FAAP100: variants seen among roughly 807,000 people sequenced by gnomAD.
FAAP100 encodes the protein Fanconi anemia core complex-associated protein 100.
Under a neutral mutation model 65.8 loss-of-function variants are expected in FAAP100, and 46 were observed. That is an observed-to-expected ratio of 0.70 (90% CI 0.55 to 0.89). The LOEUF (loss-of-function observed/expected upper bound fraction) is 0.89. Ranked by LOEUF, FAAP100 falls within the 40% of genes least tolerant of loss-of-function variation. The pLI, the probability that FAAP100 is intolerant of heterozygous loss-of-function variation, is 0.00. For missense variants in FAAP100, 1,165 were observed against 1,196.7 expected, an observed-to-expected ratio of 0.97 and a Z score of 0.39; for synonymous variants, 663 against 555.1, an observed-to-expected ratio of 1.19 and a Z score of -2.73.
intron 8 of FAAP100, among the ~76,000 whole-genome samples, 163 bp downstream of exon 8, chr17:81,541,146 G>A (rs1328562516): frequency 1.3e-5 from 2 of 152,206 alleles, no homozygotes; most frequent in African/African-American, 4.8e-5. Context: ...TAGGATGAGG[G>A]GCAGGAAGAG....
At chr17:81,547,975 G>A (rs1476795008) in intron 4 of FAAP100, 9 of 703,066 alleles carry the variant, frequency 1.3e-5, no homozygotes, top group Non-Finnish European at 2.3e-5. Flanking sequence ...TAATCTGCCA[G>A]GTATGAGAAG....
intron 8 of FAAP100, 36 bp downstream of exon 8, chr17:81,541,273 A>C (rs1213015873): frequency 1.3e-6 from 2 of 1,575,990 alleles, no homozygotes; most frequent in Non-Finnish European, 8.7e-7. Flanking sequence ...CTGGCTACCC[A>C]GGGGAAGGGG....
intron 7 of FAAP100, among the ~76,000 whole-genome samples, chr17:81,543,793 A>G (rs1326647593): frequency 1.3e-5 from 2 of 152,120 alleles, no homozygotes; most frequent in Non-Finnish European, 2.9e-5. Context: ...GGGGAGCAGC[A>G]TTGGCCTCCT....
chr17:81,548,462 G>C (rs1408867694), intron 4 of FAAP100: 1 of 167,298 alleles, frequency 6.0e-6, no homozygotes, highest in Non-Finnish European at 1.3e-5. Flanking sequence ...GTAACGGCCG[G>C]GCACGGTGGC....
Position 81,547,098 on chromosome 17 carries a change from G to A in FAAP100, c.1984C>T (p.His662Tyr). Residue 662 changes from histidine to tyrosine, a missense_variant, in exon 5 of 9, where the codon CAC becomes TAC. His to Tyr is a moderately conservative substitution (Grantham distance 83). Coordinates refer to ENST00000327787, the MANE Select transcript of FAAP100 (RefSeq NM_025161.6). ...CLRFPGLAPPHTRAPSPLGPT... is the reference protein window; with the variant it reads ...CLRFPGLAPPYTRAPSPLGPT... ...CCGAGTGGGGAGGGGGCCCGTGTGT[G>A]TGGCGGGGCCAGGCCAGGGAAGCGC... is the stretch of plus-strand genomic sequence containing the variant. The A allele has an allele frequency of 6.6e-7, 1 of 1,524,778 alleles. No homozygotes were observed. The highest frequency in any genetic ancestry group is 8.8e-7 in the Non-Finnish European group (1 of 1,135,962). 94.5% of individuals were successfully genotyped at this position (1,524,778 alleles called of 1,614,324 possible).
chr17:81,552,543 G>A (rs1352154322), upstream of FAAP100, among the ~76,000 whole-genome samples: 2 of 152,148 alleles, frequency 1.3e-5, no homozygotes, highest in African/African-American at 4.8e-5. Flanking sequence ...CCTAGGGGCC[G>A]CGGCACCGTG....
In FAAP100 at chr17:81,551,045, C is replaced by T. The variant is rs766926727; in HGVS notation, c.449G>A (p.Trp150Ter). ...LVTLVQGPAR[W>*]KMQLFEQPCP... ...GGGCTGCTCAAACAGCTGCATCTTCCATCGGGCAGGGCCCTGCACCAGGGT... is the reference window on the plus strand; with the variant it reads ...GGGCTGCTCAAACAGCTGCATCTTCTATCGGGCAGGGCCCTGCACCAGGGT... The change falls in exon 3 of 9, where the codon TGG becomes TAG. Residue 150 changes from tryptophan (W) to a stop codon, truncating the protein, a stop_gained. Coordinates refer to ENST00000327787, the MANE Select transcript of FAAP100 (RefSeq NM_025161.6). LOFTEE classifies it high-confidence loss of function. 9 of 1,606,018 alleles carry T rather than the reference C, an allele frequency of 5.6e-6. No individual in the cohort carries two copies. Among genetic ancestry groups the T allele is most frequent in the Non-Finnish European group, 7.6e-6 (9 of 1,176,900 alleles).
intron 6 of FAAP100, among the ~76,000 whole-genome samples, chr17:81,545,345 G>A (rs2143942767): frequency 6.6e-6 from 1 of 152,368 alleles, no homozygotes; most frequent in Admixed American, 6.5e-5. Context: ...GACAGGGGCT[G>A]GAGACCAGCA....
rs565687835 is a variant in FAAP100 at position 81,541,415 on chromosome 17, T to C, written c.2428-20A>G. ...CATCGTCTGGGGGACACAGGAGACA[T>C]GCTGGAGAGGGTGTGCCCCAGCACC... On this transcript the variant is annotated intron_variant, in intron 7 of 8. Transcript: ENST00000327787. 1 of 1,581,936 alleles carries C rather than the reference T, an allele frequency of 6.3e-7. No homozygotes were observed. Among genetic ancestry groups the C allele is most frequent in the South Asian group, 1.1e-5 (1 of 89,802 alleles).
chr17:81,545,212 C>T (rs1934692195), intron 6 of FAAP100, among the ~76,000 whole-genome samples: 1 of 152,242 alleles, frequency 6.6e-6, no homozygotes. Context: ...CCCAGGCAGC[C>T]TTGCCCATCC....
intron 4 of FAAP100, chr17:81,547,921 G>A (rs1217122335): frequency 5.7e-6 from 4 of 706,286 alleles, no homozygotes; most frequent in African/African-American, 1.7e-5. Context: ...GGCCACAGGA[G>A]GAAAGAGGAC....
Position 81,545,766 on chromosome 17 carries a change from C to T in FAAP100, c.2290G>A (p.Val764Ile), listed in dbSNP as rs760947169. Residue 764 changes from valine to isoleucine, a missense_variant, in exon 6 of 9, where the codon GTT becomes ATT. Coordinates refer to ENST00000327787, the MANE Select transcript of FAAP100 (RefSeq NM_025161.6). ...IQGVAPDGANVHLIVREVAMT... is the reference protein window; with the variant it reads ...IQGVAPDGANIHLIVREVAMT... ...CTTGCCTCTCGGACGATGAGGTGAA[C>T]GTTGGCGCCATCAGGGGCCACTCCC... 48 of 1,611,904 alleles carry T rather than the reference C, an allele frequency of 3.0e-5. No homozygotes were observed. Among genetic ancestry groups the T allele is most frequent in the Middle Eastern group, 1.6e-4 (1 of 6,078 alleles).
At chr17:81,545,698 C>A in intron 6 of FAAP100, 48 bp downstream of exon 6, 1 of 1,578,236 alleles carries the variant, frequency 6.3e-7, no homozygotes, top group East Asian at 2.3e-5. Flanking sequence ...GGGGCCCCAC[C>A]CCAAGAACTG....
Position 81,552,287 on chromosome 17 carries a change from C to A in FAAP100, c.44G>T (p.Cys15Phe), listed in dbSNP as rs2033525819. The A allele has an allele frequency of 1.4e-6, 2 of 1,456,692 alleles. No homozygotes were observed. Among genetic ancestry groups the A allele is most frequent in the Non-Finnish European group, 1.8e-6 (2 of 1,111,898 alleles). 90.2% of individuals were successfully genotyped at this position (1,456,692 alleles called of 1,614,324 possible). The stretch of plus-strand genomic sequence containing the variant: ...CGCCGCCAGGCCCCCGAGAGGGCAG[C>A]AGAAGCCCGCCAGGTAGCGGACCCG... Reference protein sequence around the residue: ...APRVRYLAGFCCPLGGLAAGK... With the variant: ...APRVRYLAGFFCPLGGLAAGK... The change falls in exon 1 of 9, where the codon TGC becomes TTC. Residue 15 changes from cysteine to phenylalanine, a missense_variant. Coordinates refer to ENST00000327787, the MANE Select transcript of FAAP100 (RefSeq NM_025161.6).
chr17:81,544,859 C>T (rs2033243557), intron 6 of FAAP100, among the ~76,000 whole-genome samples: 1 of 152,144 alleles, frequency 6.6e-6, no homozygotes, highest in African/African-American at 2.4e-5. Flanking sequence ...ACCCGAGGGC[C>T]GAGGCTTGAT....
At position 81,552,032 on chromosome 17, in the gene FAAP100, G is replaced by C; in HGVS notation, c.186C>G (p.Asp62Glu). 1 of 1,539,134 alleles carries C rather than the reference G, an allele frequency of 6.5e-7. No individual in the cohort carries two copies. The highest frequency in any genetic ancestry group is 1.9e-5 in the Admixed American group (1 of 52,006). ...CCAGCAGCTCCAGGTGCCACACCTG[G>C]TCGGGGAACCGGAACGCCGCCTGCG... ...GLLTAAFRFP[D>E]QVWHLELLAP... The change falls in exon 2 of 9, where the codon GAC (aspartate) becomes GAG (glutamate). Residue 62 changes from aspartate to glutamate, a missense_variant. By Grantham distance (45) the Asp-to-Glu change is conservative. Coordinates refer to ENST00000327787, the MANE Select transcript of FAAP100 (RefSeq NM_025161.6).
chr17:81,551,582 G>T, intron 2 of FAAP100: 2 of 888,370 alleles, frequency 2.3e-6, no homozygotes, highest in Non-Finnish European at 3.1e-6. Context: ...ACTGATCACT[G>T]ACTCGGGGTC....
At chr17:81,544,145 G>A (rs762850502) in intron 6 of FAAP100, 25 bp from the exon 7 acceptor site, 3 of 1,571,368 alleles carry the variant, frequency 1.9e-6, no homozygotes, top group South Asian at 1.1e-5. Context: ...CCACCTCACT[G>A]CCTGCCTGTG....
At chr17:81,542,879 T>C (rs1206547950) in intron 7 of FAAP100, among the ~76,000 whole-genome samples, 4 of 152,218 alleles carry the variant, frequency 2.6e-5, no homozygotes, top group Non-Finnish European at 4.4e-5. Flanking sequence ...GGGGACCAGA[T>C]GGTCCAGTGG....
Sources: allele counts gnomAD v4.1 joint callset (sites outside exome capture counted in the v4.1 genomes callset), GRCh38; gene constraint gnomAD v4.1.1; transcripts MANE v1.5; gene names NCBI Gene and HGNC (gene_info 2026-07-23, HGNC 2026-07-21).